DLG5: variants seen among roughly 807,000 people sequenced by gnomAD.
DLG5 encodes the protein disks large homolog 5.
DLG5 carries 48 observed loss-of-function variants against 189.8 expected under a neutral mutation model. The observed-to-expected ratio is 0.25, with a 90% confidence interval of 0.20 to 0.32. DLG5 has a LOEUF of 0.32. Ranked by LOEUF, DLG5 falls within the 10% of genes least tolerant of loss-of-function variation. The pLI is 1.00. For missense variants in DLG5, 2,160 were observed against 2,544.7 expected, an observed-to-expected ratio of 0.85 and a Z score of 3.25; for synonymous variants, 1,016 against 1,054.1, an observed-to-expected ratio of 0.96 and a Z score of 0.70.
intron 1 of DLG5, among the ~76,000 whole-genome samples, chr10:77,905,607 T>C (rs1846050954): frequency 6.6e-6 from 1 of 152,172 alleles, no homozygotes; most frequent in African/African-American, 2.4e-5. Flanking sequence ...TGTAACAGCA[T>C]GGGTAACTCT....
chr10:77,888,863 T>C (rs1020009870), intron 1 of DLG5, among the ~76,000 whole-genome samples: 1 of 152,198 alleles, frequency 6.6e-6, no homozygotes, highest in African/African-American at 2.4e-5. Flanking sequence ...TGAGGGGTAG[T>C]GACGAAGACA....
chr10:77,939,530 G>A, the DLG5 span, among the ~76,000 whole-genome samples: 103,930 of 152,072 alleles, frequency 0.68, 36,395 homozygotes, highest in African/African-American at 0.84. Context: ...TAGCCATTGC[G>A]GTACCACCAT....
intron 1 of DLG5, among the ~76,000 whole-genome samples, chr10:77,877,905 C>T (rs1845153412): frequency 6.6e-6 from 1 of 152,190 alleles, no homozygotes; most frequent in African/African-American, 2.4e-5. Context: ...ACACCAAACC[C>T]AGACAGGAAA....
At chr10:77,862,796 C>A (rs550606403) in intron 2 of DLG5, among the ~76,000 whole-genome samples, 3 of 152,092 alleles carry the variant, frequency 2.0e-5, no homozygotes, top group Non-Finnish European at 2.9e-5. Context: ...GAATGCCCTG[C>A]GTTAATCAAA....
chr10:77,844,196 A>G (rs1342415437), intron 5 of DLG5, among the ~76,000 whole-genome samples: 2 of 152,128 alleles, frequency 1.3e-5, no homozygotes, highest in Admixed American at 6.5e-5. Flanking sequence ...CCAGCCCCCA[A>G]TAAGACACTT....
intron 9 of DLG5, among the ~76,000 whole-genome samples, chr10:77,832,183 G>C (rs1842920721): frequency 6.6e-6 from 1 of 152,066 alleles, no homozygotes; most frequent in Non-Finnish European, 1.5e-5. Flanking sequence ...ACTCTAGCCT[G>C]GGCATCTCAA....
chr10:77,819,382 C>A lies in DLG5; in HGVS notation c.3610G>T (p.Val1204Phe). Residue 1204 changes from valine to phenylalanine, a missense_variant, in exon 17 of 32, where the codon GTC (valine) becomes TTC (phenylalanine). Transcript: ENST00000372391. ...GCAGGTGGAGAGCTGCAGGGGCCGA[C>A]CCTGTGACTGCGCACAGTGTAGATG... ...NPIYTVRSHR[V>F]GPCSSPPAAR... The A allele has an allele frequency of 6.2e-7, 1 of 1,614,130 alleles. No individual in the cohort carries two copies. Among genetic ancestry groups the A allele is most frequent in the Non-Finnish European group, 8.5e-7 (1 of 1,180,036 alleles).
At chr10:77,934,920 C>T in the DLG5 span, among the ~76,000 whole-genome samples, 3 of 148,876 alleles carry the variant, frequency 2.0e-5, no homozygotes, top group South Asian at 4.2e-4. Flanking sequence ...TGCAGTGGCA[C>T]GATCTTGGCT....
chr10:77,933,938 CTTGGG>C, the DLG5 span, among the ~76,000 whole-genome samples: 1 of 148,186 alleles, frequency 6.7e-6, no homozygotes, highest in Non-Finnish European at 1.5e-5. Flanking sequence ...ATCCCAGCTA[CTTGGG>C]AGGCTGAGGC....
At chr10:77,907,887 C>T (rs1846110276) in intron 1 of DLG5, among the ~76,000 whole-genome samples, 1 of 152,140 alleles carries the variant, frequency 6.6e-6, no homozygotes, top group Non-Finnish European at 1.5e-5. Context: ...CAGGTAAGGA[C>T]CCCTAAAAGG....
the DLG5 span, among the ~76,000 whole-genome samples, chr10:77,938,114 C>T: frequency 3.3e-5 from 5 of 151,988 alleles, no homozygotes; most frequent in Non-Finnish European, 5.9e-5. Flanking sequence ...CCTCTATATC[C>T]CCAGTATCTA....
In DLG5 at chr10:77,843,492, T is replaced by C; in HGVS notation, c.1079A>G (p.Asp360Gly). 1.2e-6 allele frequency: 2 copies of C among 1,614,148 alleles called. No homozygotes were observed. Among genetic ancestry groups the C allele is most frequent in the Non-Finnish European group, 1.7e-6 (2 of 1,180,034 alleles). ...KQTEMLTQQR[D>G]TAIQLQHQCA... ...CTGGTGCTGCAGCTGGATGGCCGTG[T>C]CCCTCTGCTGGGTCAGCATCTCTGT... The change falls in exon 6 of 32, where the codon GAC (aspartate) becomes GGC (glycine). Residue 360 changes from aspartate (D) to glycine (G), a missense_variant. Physicochemically the swap from Asp to Gly is moderately conservative, Grantham distance 94. Transcript: ENST00000372391.
Position 77,880,740 on chromosome 10 carries a change from A to G in DLG5, c.305-11543T>C, listed in dbSNP as rs563472346. 1.3e-5 allele frequency among the ~76,000 whole-genome samples: 2 copies of G among 152,228 alleles called. 1 individual carries two copies. Among genetic ancestry groups the G allele is most frequent in the South Asian group, 4.1e-4 (2 of 4,828 alleles). On this transcript the variant is annotated intron_variant, in intron 1 of 31. Transcript: ENST00000372391. ...ATGTTTTTGTTGTTACACTCTACTC[A>G]TATCAGGTAACATTTATTGAGTACT...
rs748163447 is a variant in DLG5 at position 77,816,998 on chromosome 10, A to G, written c.3874+9T>C. Reference sequence around the variant, plus strand: ...AGCAGGAGAGATGGGAATGTCGAGAAGTCCTTACCTCTCTCGGAGCCCACG... The same window carrying G: ...AGCAGGAGAGATGGGAATGTCGAGAGGTCCTTACCTCTCTCGGAGCCCACG... On this transcript the variant is annotated intron_variant, in intron 19 of 31. Transcript: ENST00000372391. The G allele has an allele frequency of 2.5e-6, 4 of 1,612,844 alleles. No homozygotes were observed. The highest frequency in any genetic ancestry group is 3.4e-6 in the Non-Finnish European group (4 of 1,179,226).
At chr10:77,815,974 A>T in intron 20 of DLG5, 1 of 385,846 alleles carries the variant, frequency 2.6e-6, no homozygotes, top group Non-Finnish European at 5.1e-6. Context: ...GAAACCTAAG[A>T]TGGACCTACA....
chr10:77,923,431 AG>A (rs1292394819), intron 1 of DLG5, among the ~76,000 whole-genome samples: 3 of 152,348 alleles, frequency 2.0e-5, no homozygotes, highest in East Asian at 3.9e-4. Flanking sequence ...AAAAAAGTGG[AG>A]ACCTACAACA....
chr10:77,838,989 GGTGCACTTGAT>G (rs1488479154), intron 7 of DLG5, among the ~76,000 whole-genome samples: 1 of 152,240 alleles, frequency 6.6e-6, no homozygotes, highest in African/African-American at 2.4e-5. Flanking sequence ...TCAGCTGACA[GGTGCACTTGAT>G]GCCCAGTCAA....
intron 1 of DLG5, among the ~76,000 whole-genome samples, chr10:77,882,817 G>A (rs1366127010): frequency 6.6e-6 from 1 of 151,764 alleles, no homozygotes; most frequent in African/African-American, 2.4e-5. Flanking sequence ...CAGCTACTCG[G>A]GAGGGTGAGG....
At chr10:77,930,533 A>G (rs186882458), upstream of DLG5, among the ~76,000 whole-genome samples, 24 of 150,932 alleles carry the variant, frequency 1.6e-4, no homozygotes, top group South Asian at 4.4e-3. Flanking sequence ...TTTTTAGTAG[A>G]GACGGGGGTT....
Sources: gnomAD v4.1 joint callset for allele counts (sites outside exome capture counted in the v4.1 genomes callset) on GRCh38, gnomAD v4.1.1 for gene constraint, MANE v1.5 for transcripts, NCBI Gene and HGNC (gene_info 2026-07-23, HGNC 2026-07-21) for gene names.